PRRC2C: variants seen among roughly 807,000 people sequenced by gnomAD.
The protein encoded by PRRC2C is proline rich coiled-coil 2C, also known as protein PRRC2C.
A neutral mutation model predicts 317.2 loss-of-function variants in PRRC2C; 72 were observed. That is an observed-to-expected ratio of 0.23 (90% CI 0.19 to 0.28). PRRC2C has a LOEUF of 0.28. Among genes scored for constraint, PRRC2C ranks in the 10% least tolerant of loss-of-function variants. The pLI, the probability that PRRC2C is intolerant of heterozygous loss-of-function variation, is 1.00. For missense variants in PRRC2C, 3,074 were observed against 3,459.7 expected (o/e 0.89, Z 2.80); for synonymous variants, 1,296 against 1,205.9 (o/e 1.07, Z -1.55).
At chr1:171,501,059 C>G (rs1483699430) in intron 1 of PRRC2C, among the ~76,000 whole-genome samples, 1 of 152,058 alleles carries the variant, frequency 6.6e-6, no homozygotes, top group Admixed American at 6.6e-5. Context: ...CCACCATACC[C>G]AGCTAGTTTA....
chr1:171,502,741 T>A (rs1669358185), intron 1 of PRRC2C, among the ~76,000 whole-genome samples: 2 of 152,198 alleles, frequency 1.3e-5, no homozygotes, highest in African/African-American at 4.8e-5. Flanking sequence ...ATTGTTGTTA[T>A]TGAGATGGAG....
At chr1:171,573,217 A>G (rs374150141) in intron 24 of PRRC2C, among the ~76,000 whole-genome samples, 19 of 152,356 alleles carry the variant, frequency 1.2e-4, no homozygotes, top group Admixed American at 2.6e-4. Flanking sequence ...GAGTATGATT[A>G]ACTAATTGTA....
At position 171,518,787 on chromosome 1, in the gene PRRC2C, G is replaced by A. The variant is rs188362710; in HGVS notation, c.750+973G>A. Among the ~76,000 whole-genome samples the A allele has an allele frequency of 7.6e-3, 1,145 of 150,056 alleles. 6 individuals carry two copies. The highest frequency in any genetic ancestry group is 0.013 in the Non-Finnish European group (899 of 67,750). ...CAGAGTGTTGGGATTACAGACATGA[G>A]CCACCTCACTTGGCCTTTAAACTTT... On this transcript the variant is annotated intron_variant, in intron 6 of 34. Transcript: ENST00000647382.
At chr1:171,533,154 T>C (rs544250160) in intron 12 of PRRC2C, among the ~76,000 whole-genome samples, 193 bp downstream of exon 12, 25 of 152,374 alleles carry the variant, frequency 1.6e-4, no homozygotes, top group Admixed American at 6.5e-4. Flanking sequence ...CTCTGAAGTG[T>C]TTCTCAGTTA....
intron 20 of PRRC2C, among the ~76,000 whole-genome samples, chr1:171,562,584 T>C (rs1018452412): frequency 6.6e-6 from 1 of 152,230 alleles, no homozygotes; most frequent in Admixed American, 6.5e-5. Flanking sequence ...CAAGATTTAC[T>C]AAAGTGTTAA....
intron 24 of PRRC2C, 29 bp from the exon 25 acceptor site, chr1:171,574,898 T>G: frequency 6.3e-7 from 1 of 1,594,006 alleles, no homozygotes; most frequent in Middle Eastern, 1.7e-4. Context: ...ACATCATTTT[T>G]TTACTATAAA....
At chr1:171,552,196 T>G (rs1409313318) in intron 18 of PRRC2C, among the ~76,000 whole-genome samples, 1 of 152,208 alleles carries the variant, frequency 6.6e-6, no homozygotes, top group Non-Finnish European at 1.5e-5. Flanking sequence ...TAAGTTGGAT[T>G]CCTAGGTATT....
At chr1:171,516,491 GTAAA>G (rs1672388257) in intron 5 of PRRC2C, among the ~76,000 whole-genome samples, 1 of 152,104 alleles carries the variant, frequency 6.6e-6, no homozygotes, top group Admixed American at 6.6e-5. Flanking sequence ...CTTGTCAGAT[GTAAA>G]TAAATCTAAA....
chr1:171,554,799 T>G (rs2102617356), intron 18 of PRRC2C, among the ~76,000 whole-genome samples: 1 of 152,362 alleles, frequency 6.6e-6, no homozygotes, highest in Middle Eastern at 3.4e-3. Context: ...CCCCACTCTC[T>G]TCTGGCTTAT....
In PRRC2C at chr1:171,591,879, GGGGCGGGAA is replaced by G; in HGVS notation, c.*33_*41del. 1.7e-6 allele frequency: 1 copy of G among 592,022 alleles called. No individual in the cohort carries two copies. Among genetic ancestry groups the G allele is most frequent in the Non-Finnish European group, 2.9e-6 (1 of 345,172 alleles). 36.7% of individuals were successfully genotyped at this position (592,022 alleles called of 1,614,324 possible). A position where few individuals can be genotyped will look rare whatever the true frequency, so the allele number is the denominator to read the frequency against. ...TGGTTTATTGCAGGGGATTGGGAGG[GGGGCGGGAA>G]AACATGGAGAATTAAGTCAGATAAT... On this transcript the variant is annotated 3_prime_UTR_variant, in exon 35 of 35. Coordinates refer to ENST00000647382, the MANE Select transcript of PRRC2C (RefSeq NM_001387844.1).
At chr1:171,529,971 C>T (rs1450274938) in intron 11 of PRRC2C, among the ~76,000 whole-genome samples, 1 of 152,194 alleles carries the variant, frequency 6.6e-6, no homozygotes, top group Non-Finnish European at 1.5e-5. Context: ...TCGTTTCCAG[C>T]AATCCCTCTC....
At position 171,550,825 on chromosome 1, in the gene PRRC2C, C is replaced by T. The variant is rs1571948393; in HGVS notation, c.5127+585C>T. 2.6e-5 allele frequency among the ~76,000 whole-genome samples: 4 copies of T among 152,268 alleles called. No individual in the cohort carries two copies. In the South Asian group the frequency reaches 8.3e-4, roughly 32 times the overall value. ...TCCTTTTTTATGGCTGCATAGTATT[C>T]CATGGTGTATATGTGCCACATTTTC... On this transcript the variant is annotated intron_variant, in intron 18 of 34. Transcript: ENST00000647382.
intron 25 of PRRC2C, 118 bp downstream of exon 25, chr1:171,575,246 C>G (rs534819431): frequency 1.1e-4 from 109 of 1,029,456 alleles, no homozygotes; most frequent in Middle Eastern, 3.2e-4. Flanking sequence ...CTTCCCACCT[C>G]AGCCTCCCAA....
intron 9 of PRRC2C, among the ~76,000 whole-genome samples, chr1:171,524,122 C>G (rs904625586): frequency 1.3e-5 from 2 of 152,058 alleles, no homozygotes; most frequent in Non-Finnish European, 2.9e-5. Context: ...TAAACTGTTA[C>G]TTGCTTGACC....
chr1:171,534,145 G>C (rs1003401031), intron 12 of PRRC2C, among the ~76,000 whole-genome samples: 1 of 152,056 alleles, frequency 6.6e-6, no homozygotes, highest in African/African-American at 2.4e-5. Context: ...CTATAAAGGA[G>C]TATGAGTATT....
chr1:171,488,942 T>TA (rs913297288), intron 1 of PRRC2C, among the ~76,000 whole-genome samples: 3 of 152,280 alleles, frequency 2.0e-5, no homozygotes, highest in African/African-American at 4.8e-5. Flanking sequence ...CGTCTAGTAT[T>TA]AAAAAAACTA....
At chr1:171,507,977 G>A (rs1266805430) in intron 1 of PRRC2C, among the ~76,000 whole-genome samples, 1 of 152,098 alleles carries the variant, frequency 6.6e-6, no homozygotes, top group Admixed American at 6.5e-5. Flanking sequence ...AAATGCAACT[G>A]ATTTTTTGTA....
intron 15 of PRRC2C, among the ~76,000 whole-genome samples, chr1:171,538,148 G>T (rs950874030): frequency 2.6e-5 from 4 of 152,056 alleles, no homozygotes; most frequent in South Asian, 2.1e-4. Flanking sequence ...GATAATCTTT[G>T]TATTTTTTAT....
chr1:171,531,386 C>T (rs938201687), intron 11 of PRRC2C, among the ~76,000 whole-genome samples: 1 of 152,148 alleles, frequency 6.6e-6, no homozygotes, highest in Non-Finnish European at 1.5e-5. Context: ...GGTTTTTCAG[C>T]TTATCTCTGA....
Sources: gnomAD v4.1 joint callset for allele counts (sites outside exome capture counted in the v4.1 genomes callset) on GRCh38, gnomAD v4.1.1 for gene constraint, MANE v1.5 for transcripts, NCBI Gene and HGNC (gene_info 2026-07-23, HGNC 2026-07-21) for gene names.